ERBB4: variants seen among roughly 807,000 people sequenced by gnomAD.
ERBB4 encodes erb-b2 receptor tyrosine kinase 4.
In ERBB4, 42 loss-of-function variants were observed where a neutral mutation model predicts 158.0. The ratio of observed to expected loss-of-function variants is 0.27; its 90% CI spans 0.21 to 0.34. The LOEUF is 0.34. Ranked by LOEUF, ERBB4 falls within the 10% of genes least tolerant of loss-of-function variation. The pLI, the probability that ERBB4 is intolerant of heterozygous loss-of-function variation, is 1.00. For synonymous variants in ERBB4, 583 were observed against 558.7 expected (o/e 1.04, Z -0.61); for missense variants, 1,333 against 1,624.1 (o/e 0.82, Z 3.08).
chr2:211,811,653 A>G lies in ERBB4; in HGVS notation c.422-23494T>C, dbSNP rs1025647733. ...CTCCCCATCACTTTCAAGTACACCAATCAAATGTAGATTTGGTCCTTTCAC... is the reference window on the plus strand; with the variant it reads ...CTCCCCATCACTTTCAAGTACACCAGTCAAATGTAGATTTGGTCCTTTCAC... On this transcript the variant is annotated intron_variant, in intron 3 of 27. Transcript: ENST00000342788. 5.3e-5 allele frequency among the ~76,000 whole-genome samples: 8 copies of G among 151,918 alleles called. No homozygotes were observed. In the East Asian group the frequency reaches 1.4e-3, roughly 26 times the overall value.
chr2:212,075,229 A>C, intron 2 of ERBB4, among the ~76,000 whole-genome samples: 1 of 151,958 alleles, frequency 6.6e-6, no homozygotes, highest in East Asian at 1.9e-4. Flanking sequence ...AGTTAATCCA[A>C]TTCTCATACA....
chr2:212,476,479 A>C (rs189419907), intron 1 of ERBB4, among the ~76,000 whole-genome samples: 30 of 152,278 alleles, frequency 2.0e-4, no homozygotes, highest in Non-Finnish European at 4.0e-4. Flanking sequence ...CCTCTTCAAT[A>C]TAATGGTTTA....
intron 2 of ERBB4, among the ~76,000 whole-genome samples, chr2:211,995,451 A>G (rs1472806601): frequency 6.6e-6 from 1 of 152,070 alleles, no homozygotes; most frequent in Non-Finnish European, 1.5e-5. Flanking sequence ...CTTTTTTAAA[A>G]TACATAGAGG....
intron 1 of ERBB4, among the ~76,000 whole-genome samples, chr2:212,345,118 T>C (rs978778893): frequency 3.3e-5 from 5 of 151,274 alleles, no homozygotes; most frequent in Non-Finnish European, 5.9e-5. Flanking sequence ...ACAAAAAAAT[T>C]AGCTGGGCGT....
chr2:212,413,834 G>A (rs897093158), intron 1 of ERBB4, among the ~76,000 whole-genome samples: 6 of 152,112 alleles, frequency 3.9e-5, no homozygotes, highest in African/African-American at 9.7e-5. Flanking sequence ...TTCCACTGAT[G>A]ATATATTATC....
At chr2:211,919,206 G>C (rs7584438) in intron 3 of ERBB4, among the ~76,000 whole-genome samples, 100,233 of 151,912 alleles carry the variant, frequency 0.66, 34,191 homozygotes, top group East Asian at 0.92. Context: ...ATATTTAGCA[G>C]TTTGTCAACA....
intron 2 of ERBB4, among the ~76,000 whole-genome samples, chr2:212,056,869 A>G (rs1426567385): frequency 1.3e-5 from 2 of 152,340 alleles, no homozygotes; most frequent in East Asian, 3.9e-4. Flanking sequence ...AATGGCATCA[A>G]CTAATGAGCA....
intron 1 of ERBB4, among the ~76,000 whole-genome samples, chr2:212,147,504 T>C (rs962216071): frequency 6.6e-6 from 1 of 152,088 alleles, no homozygotes; most frequent in Non-Finnish European, 1.5e-5. Context: ...AGACATCAAC[T>C]GTGGATTTTT....
intron 12 of ERBB4, among the ~76,000 whole-genome samples, chr2:211,685,811 A>G (rs1352489402): frequency 6.6e-6 from 1 of 152,128 alleles, no homozygotes; most frequent in Non-Finnish European, 1.5e-5. Flanking sequence ...AGTATTTTGT[A>G]GTTTTCAGCA....
At chr2:212,429,668 GCA>G (rs962847048) in intron 1 of ERBB4, among the ~76,000 whole-genome samples, 4 of 152,002 alleles carry the variant, frequency 2.6e-5, no homozygotes, top group Admixed American at 6.6e-5. Context: ...AGAAACTGAG[GCA>G]CAGAGAGGTA....
intron 1 of ERBB4, among the ~76,000 whole-genome samples, chr2:212,218,926 T>G (rs1351410943): frequency 6.6e-6 from 1 of 151,426 alleles, no homozygotes; most frequent in East Asian, 1.9e-4. Context: ...CCATATGTAC[T>G]AGAACTTTTA....
rs181339338 is a variant in ERBB4 at position 211,669,785 on chromosome 2, G to A, written c.1716+3379C>T. 8.2e-4 allele frequency among the ~76,000 whole-genome samples: 124 copies of A among 152,006 alleles called. 1 individual carries two copies. The highest frequency in any genetic ancestry group is 1.0e-4 in the Non-Finnish European group (7 of 67,982). On this transcript the variant is annotated intron_variant, in intron 14 of 27. Coordinates refer to ENST00000342788, the MANE Select transcript of ERBB4 (RefSeq NM_005235.3). Reference sequence around the variant, plus strand: ...TGCACTGAAGACATTGTTTCCTGGGGGACAAAAAACTGAGATGTACGAGAA... The same window carrying A: ...TGCACTGAAGACATTGTTTCCTGGGAGACAAAAAACTGAGATGTACGAGAA...
chr2:212,162,465 G>T (rs1339257588), intron 1 of ERBB4, among the ~76,000 whole-genome samples: 1 of 151,798 alleles, frequency 6.6e-6, no homozygotes, highest in Non-Finnish European at 1.5e-5. Context: ...GTGACATGAT[G>T]TCTATATCTT....
At chr2:212,138,523 C>T (rs2080344792) in intron 1 of ERBB4, among the ~76,000 whole-genome samples, 2 of 152,236 alleles carry the variant, frequency 1.3e-5, no homozygotes, top group South Asian at 4.1e-4. Context: ...ACAGTCTCTA[C>T]CAAGCAGACC....
At position 212,391,760 on chromosome 2, in the gene ERBB4, ATATAT is replaced by A. The variant is rs1468206170; in HGVS notation, c.82+146684_82+146688del. On this transcript the variant is annotated intron_variant, in intron 1 of 27. Transcript: ENST00000342788. Reference sequence around the variant, plus strand: ...CATATATATTATATATAATATTGACATATATTATATATATGTCAATATATTATATT... The same window carrying A: ...CATATATATTATATATAATATTGACATATATATATGTCAATATATTATATT... 2.8e-3 allele frequency among the ~76,000 whole-genome samples: 397 copies of A among 144,064 alleles called. 1 individual carries two copies. Among genetic ancestry groups the A allele is most frequent in the African/African-American group, 8.9e-3 (355 of 39,722 alleles). 94.5% of individuals were successfully genotyped at this position (144,064 alleles called of 152,430 possible).
chr2:211,851,825 G>T (rs1013871879), intron 3 of ERBB4, among the ~76,000 whole-genome samples: 24 of 151,758 alleles, frequency 1.6e-4, no homozygotes, highest in Admixed American at 1.4e-3. Context: ...AGTTTCTCAA[G>T]AATTTTTTTA....
chr2:211,622,555 T>C (rs967149181), intron 18 of ERBB4, among the ~76,000 whole-genome samples: 5 of 152,236 alleles, frequency 3.3e-5, no homozygotes, highest in South Asian at 4.1e-4. Context: ...TTTTGTTAAA[T>C]AAATCTCTGT....
intron 1 of ERBB4, among the ~76,000 whole-genome samples, chr2:212,406,735 A>G (rs13419353): frequency 2.6e-5 from 4 of 151,902 alleles, no homozygotes; most frequent in Non-Finnish European, 5.9e-5. Context: ...GTGAGTCAAT[A>G]GATTAATGGT....
At chr2:211,592,762 A>T (rs1295393094) in intron 19 of ERBB4, among the ~76,000 whole-genome samples, 1 of 152,220 alleles carries the variant, frequency 6.6e-6, no homozygotes. Context: ...CTGTAATCCC[A>T]GCACTTTGGG....
Sources: gnomAD v4.1 joint callset for allele counts (sites outside exome capture counted in the v4.1 genomes callset) on GRCh38, gnomAD v4.1.1 for gene constraint, MANE v1.5 for transcripts, NCBI Gene and HGNC (gene_info 2026-07-23, HGNC 2026-07-21) for gene names.